EMC2: variants seen among roughly 807,000 people sequenced by gnomAD.
EMC2 encodes ER membrane protein complex subunit 2.
Under a neutral mutation model 51.6 loss-of-function variants are expected in EMC2, and 37 were observed. The observed-to-expected ratio is 0.72, with a 90% CI of 0.55 to 0.94. EMC2 has a LOEUF of 0.94. Ranked by LOEUF, EMC2 falls within the 40% of genes least tolerant of loss-of-function variation. The probability of loss-of-function intolerance (pLI) is 0.00; values close to 1 mark genes in which losing one functional copy is unlikely to be tolerated. For missense variants in EMC2, 359 were observed against 350.9 expected (o/e 1.02, Z -0.18); for synonymous variants, 131 against 112.4 (o/e 1.17, Z -1.04).
At chr8:108,474,143 A>T in intron 7 of EMC2, 1 of 151,962 alleles carries the variant, frequency 6.6e-6, no homozygotes, top group East Asian at 1.9e-4. Context: ...ATGCTAATTG[A>T]TTTTTGAGAA....
chr8:108,445,446 C>T (rs1818855665), intron 1 of EMC2, among the ~76,000 whole-genome samples: 1 of 152,040 alleles, frequency 6.6e-6, no homozygotes, highest in African/African-American at 2.4e-5. Context: ...ACATGCTAGT[C>T]CTTCCACTGG....
intron 9 of EMC2, among the ~76,000 whole-genome samples, chr8:108,477,432 A>C (rs1810966930): frequency 6.6e-6 from 1 of 152,172 alleles, no homozygotes; most frequent in East Asian, 1.9e-4. Context: ...ATAGAGGAAT[A>C]ATCTGCTGAC....
intron 8 of EMC2, 28 bp from the exon 9 acceptor site, chr8:108,476,754 G>C (rs769805306): frequency 1.0e-6 from 1 of 985,312 alleles, no homozygotes; most frequent in Admixed American, 1.7e-5. Flanking sequence ...AAAATAAACA[G>C]TTTTCAGCAC....
rs1185697709 is a variant in EMC2, at chr8:108,487,250, ATG to A, written c.*656_*657del. 6.6e-6 allele frequency among the ~76,000 whole-genome samples: 1 copy of A among 152,120 alleles called. No homozygotes were observed. Among genetic ancestry groups the A allele is most frequent in the African/African-American group, 2.4e-5 (1 of 41,448 alleles). ...ACATATAAAATGCCTTAAGATAAAT[ATG>A]TGTTACGACACTTTAACTTTTATGC... On this transcript the variant is annotated 3_prime_UTR_variant, in exon 11 of 11. Coordinates refer to ENST00000220853, the MANE Select transcript of EMC2 (RefSeq NM_014673.5).
At chr8:108,461,797 C>T (rs3824237) in intron 5 of EMC2, among the ~76,000 whole-genome samples, 78,171 of 151,620 alleles carry the variant, frequency 0.52, 20,514 homozygotes, top group Middle Eastern at 0.6. Context: ...GTTCCTCTAT[C>T]CCTGAGCTCA....
chr8:108,469,693 A>C (rs1270894102), intron 5 of EMC2, 133 bp from the exon 6 acceptor site: 11 of 660,840 alleles, frequency 1.7e-5, no homozygotes, highest in Non-Finnish European at 2.9e-5. Context: ...ATGTTTATAA[A>C]CTCCCACTAA....
intron 5 of EMC2, among the ~76,000 whole-genome samples, chr8:108,458,131 G>A (rs1819213349): frequency 6.6e-6 from 1 of 152,248 alleles, no homozygotes; most frequent in South Asian, 2.1e-4. Context: ...CTCACATCCA[G>A]GTAATGCTGA....
rs144193503 is a variant in EMC2 at position 108,462,774 on chromosome 8, T to C, written c.363+6844T>C. On this transcript the variant is annotated intron_variant, in intron 5 of 10. Transcript: ENST00000220853. Reference sequence around the variant, plus strand: ...TTTTTTGAGAAGGAGTCTCGCTCTGTCTCCCAGGCTGGAGTGCAGTGGTGC... The same window carrying C: ...TTTTTTGAGAAGGAGTCTCGCTCTGCCTCCCAGGCTGGAGTGCAGTGGTGC... Among the ~76,000 whole-genome samples, 26 of 152,244 alleles carry C rather than the reference T, an allele frequency of 1.7e-4. 1 individual carries two copies. The East Asian group carries it at 4.8e-3, about 28-fold the overall frequency.
At chr8:108,481,362 G>T (rs1195925062) in intron 10 of EMC2, among the ~76,000 whole-genome samples, 1 of 151,926 alleles carries the variant, frequency 6.6e-6, no homozygotes, top group East Asian at 1.9e-4. Context: ...AAATATTAGT[G>T]AGACTGTGCT....
chr8:108,450,016 AT>A (rs1818979194), intron 2 of EMC2, 80 bp downstream of exon 2: 3 of 544,032 alleles, frequency 5.5e-6, no homozygotes, highest in Non-Finnish European at 9.8e-6. Context: ...TCTTTCATTC[AT>A]GATTTTTCTA....
intron 5 of EMC2, among the ~76,000 whole-genome samples, chr8:108,459,028 A>C (rs1474291904): frequency 6.6e-6 from 1 of 152,172 alleles, no homozygotes; most frequent in Non-Finnish European, 1.5e-5. Flanking sequence ...AGTTCCACAC[A>C]TCTCTAGGGC....
Position 108,486,746 on chromosome 8 carries a change from C to A in EMC2, c.*148C>A. 1.3e-6 allele frequency: 1 copy of A among 741,914 alleles called. No individual in the cohort carries two copies. Among genetic ancestry groups the A allele is most frequent in the Non-Finnish European group, 2.0e-6 (1 of 505,756 alleles). The allele number at this position is 741,914 out of a possible 1,614,324, so 46.0% of individuals were successfully genotyped here. A position where few individuals can be genotyped will look rare whatever the true frequency, so the allele number is the denominator to read the frequency against. ...GTTGTAAAGAATGTGTTTATATAAA[C>A]CTAAAAATGCCTTTTACTGCTAAGT... On this transcript the variant is annotated 3_prime_UTR_variant, in exon 11 of 11. Coordinates refer to ENST00000220853, the MANE Select transcript of EMC2 (RefSeq NM_014673.5).
intron 4 of EMC2, 56 bp downstream of exon 4, chr8:108,453,203 A>ATT: frequency 2.1e-4 from 170 of 790,780 alleles, no homozygotes; most frequent in Non-Finnish European, 2.6e-4. Flanking sequence ...GGTGGTGTTA[A>ATT]TTTTTTTTTT....
intron 5 of EMC2, among the ~76,000 whole-genome samples, chr8:108,459,248 G>C (rs886381002): frequency 1.2e-4 from 18 of 152,082 alleles, no homozygotes; most frequent in African/African-American, 3.9e-4. Flanking sequence ...CCTCCAAACT[G>C]TTTCAGTCTC....
chr8:108,470,248 CA>C, intron 7 of EMC2, 127 bp downstream of exon 7: 1 of 624,792 alleles, frequency 1.6e-6, no homozygotes, highest in Middle Eastern at 2.6e-4. Flanking sequence ...AGAAACAGAA[CA>C]AATCAACAAT....
At chr8:108,450,894 C>T (rs537148361) in intron 3 of EMC2, among the ~76,000 whole-genome samples, 1 of 152,236 alleles carries the variant, frequency 6.6e-6, no homozygotes, top group East Asian at 1.9e-4. Context: ...ACGTATAGAA[C>T]ATAACATAAA....
intron 5 of EMC2, among the ~76,000 whole-genome samples, chr8:108,468,080 A>G (rs775210546): frequency 3.3e-5 from 5 of 152,202 alleles, no homozygotes; most frequent in Admixed American, 2.6e-4. Context: ...TATATTGTCT[A>G]TGGAAGAAGT....
intron 5 of EMC2, among the ~76,000 whole-genome samples, chr8:108,461,125 T>C (rs761043392): frequency 2.0e-5 from 3 of 152,212 alleles, no homozygotes; most frequent in African/African-American, 7.2e-5. Context: ...CAAAGCAACT[T>C]AGTATCTCAA....
chr8:108,470,809 A>G (rs771625510), intron 7 of EMC2: 4 of 152,038 alleles, frequency 2.6e-5, no homozygotes, highest in Non-Finnish European at 5.9e-5. Context: ...TAGTTCTTCT[A>G]AATCTGAAGT....
Sources: gnomAD v4.1 joint callset for allele counts (sites outside exome capture counted in the v4.1 genomes callset) on GRCh38, gnomAD v4.1.1 for gene constraint, MANE v1.5 for transcripts, NCBI Gene and HGNC (gene_info 2026-07-23, HGNC 2026-07-21) for gene names.